Variants in R3HCC1L observed in about 807,000 individuals in gnomAD.
R3HCC1L encodes the protein coiled-coil domain-containing protein R3HCC1L.
R3HCC1L carries 51 observed loss-of-function variants against 59.9 expected under a neutral mutation model. The ratio of observed to expected loss-of-function variants is 0.85; its 90% CI spans 0.68 to 1.07. The LOEUF (loss-of-function observed/expected upper bound fraction) is 1.07. R3HCC1L is among the 50% of genes least tolerant of loss of function. The pLI, the probability that R3HCC1L is intolerant of heterozygous loss-of-function variation, is 0.00. For missense variants in R3HCC1L, 965 were observed against 933.0 expected, an observed-to-expected ratio of 1.03 and a Z score of -0.45; for synonymous variants, 322 against 315.2, an observed-to-expected ratio of 1.02 and a Z score of -0.23.
intron 4 of R3HCC1L, among the ~76,000 whole-genome samples, chr10:98,177,104 A>G (rs1455580432): frequency 6.6e-6 from 1 of 152,210 alleles, no homozygotes; most frequent in Admixed American, 6.5e-5. Flanking sequence ...ATATGTATAC[A>G]TGTGCTATGT....
At chr10:98,214,798 G>A (rs1458503151) in intron 5 of R3HCC1L, among the ~76,000 whole-genome samples, 1 of 152,150 alleles carries the variant, frequency 6.6e-6, no homozygotes, top group Non-Finnish European at 1.5e-5. Context: ...AGATAGAACT[G>A]CACAAGTCAT....
chr10:98,215,369 A>T (rs181886034), intron 5 of R3HCC1L, among the ~76,000 whole-genome samples: 1 of 152,150 alleles, frequency 6.6e-6, no homozygotes, highest in Non-Finnish European at 1.5e-5. Flanking sequence ...TTTTAATTTT[A>T]TACATATTGA....
intron 5 of R3HCC1L, among the ~76,000 whole-genome samples, chr10:98,212,900 C>T (rs1324434268): frequency 1.3e-5 from 2 of 151,964 alleles, no homozygotes; most frequent in African/African-American, 4.8e-5. Context: ...TGAGGCCTTC[C>T]CTTGGTTACA....
At chr10:98,143,685 T>C (rs191708993) in intron 1 of R3HCC1L, among the ~76,000 whole-genome samples, 9 of 152,284 alleles carry the variant, frequency 5.9e-5, no homozygotes, top group Non-Finnish European at 1.3e-4. Flanking sequence ...AAAATCAGGG[T>C]TGAGGAATGT....
Position 98,208,776 on chromosome 10 carries a change from C to T in R3HCC1L, c.662C>T (p.Pro221Leu), listed in dbSNP as rs1475145774. ...GTTTTGGAGATACTATATGAGTTTC[C>T]TAGAGTTTTTAGTTCTGTCATGAAA... ...TKVLEILYEF[P>L]RVFSSVMKPE... Residue 221 changes from proline to leucine, a missense_variant, in exon 5 of 10, where the codon CCT becomes CTT. Coordinates refer to ENST00000298999, the MANE Select transcript of R3HCC1L (RefSeq NM_001351015.2). 1 of 1,613,970 alleles carries T rather than the reference C, an allele frequency of 6.2e-7. No individual in the cohort carries two copies. The highest frequency in any genetic ancestry group is 1.1e-5 in the South Asian group (1 of 91,074).
In R3HCC1L at chr10:98,170,841, CTTA is replaced by C. The variant is rs372880467; in HGVS notation, c.-15+7449_-15+7451del. On this transcript the variant is annotated intron_variant, in intron 4 of 9. Coordinates refer to ENST00000298999, the MANE Select transcript of R3HCC1L (RefSeq NM_001351015.2). ...CTCTTGCTCTCTGATTCTGCTTTCA[CTTA>C]TTATCTTTCTAAAACTTTCTGGGTA... Among the ~76,000 whole-genome samples the C allele has an allele frequency of 2.9e-3, 442 of 152,314 alleles. 4 individuals are homozygous for C. The highest frequency in any genetic ancestry group is 9.5e-3 in the African/African-American group (394 of 41,574).
intron 1 of R3HCC1L, among the ~76,000 whole-genome samples, chr10:98,137,576 C>G (rs934363128): frequency 2.0e-5 from 3 of 152,134 alleles, no homozygotes; most frequent in African/African-American, 7.2e-5. Flanking sequence ...TAGAAGTTGT[C>G]AGATTGCAGT....
intron 5 of R3HCC1L, chr10:98,211,477 G>A (rs1306986351): frequency 2.5e-6 from 3 of 1,207,010 alleles, no homozygotes; most frequent in South Asian, 2.1e-5. Context: ...AATAAGGTGG[G>A]AAGCTAGGTG....
chr10:98,240,196 C>T (rs1304366553), intron 9 of R3HCC1L, among the ~76,000 whole-genome samples: 1 of 152,150 alleles, frequency 6.6e-6, no homozygotes, highest in Non-Finnish European at 1.5e-5. Flanking sequence ...GTCCCAGCTA[C>T]TCAGCAGGCT....
Position 98,209,196 on chromosome 10 carries a change from G to T in R3HCC1L, c.1082G>T (p.Arg361Ile). The T allele has an allele frequency of 6.2e-7, 1 of 1,613,842 alleles. No homozygotes were observed. Among genetic ancestry groups the T allele is most frequent in the Non-Finnish European group, 8.5e-7 (1 of 1,179,988 alleles). The change falls in exon 5 of 10, where the codon AGA becomes ATA. Residue 361 changes from arginine to isoleucine, a missense_variant. Coordinates refer to ENST00000298999, the MANE Select transcript of R3HCC1L (RefSeq NM_001351015.2). ...DTAVLAHETHRDSGFKNVGDI... is the reference protein window; with the variant it reads ...DTAVLAHETHIDSGFKNVGDI... ...GCTGTCCTTGCTCATGAAACACATA[G>T]AGATAGTGGATTTAAGAATGTAGGT... is the stretch of plus-strand genomic sequence containing the variant.
chr10:98,241,321 C>CT (rs1417175342), intron 9 of R3HCC1L, among the ~76,000 whole-genome samples: 1 of 151,998 alleles, frequency 6.6e-6, no homozygotes, highest in African/African-American at 2.4e-5. Context: ...CCTCTCTCTG[C>CT]TTTTTTTAAA....
chr10:98,239,646 T>C (rs1857317161), intron 9 of R3HCC1L, among the ~76,000 whole-genome samples: 1 of 152,170 alleles, frequency 6.6e-6, no homozygotes, highest in Non-Finnish European at 1.5e-5. Flanking sequence ...AATTTTGAAT[T>C]TGTGATTTTG....
chr10:98,222,466 A>C (rs9702153), intron 5 of R3HCC1L, among the ~76,000 whole-genome samples: 60,299 of 151,164 alleles, frequency 0.4, 12,448 homozygotes, highest in South Asian at 0.56. Context: ...CCAGTTTTCA[A>C]AGGGAATGCT....
At chr10:98,219,810 A>G (rs1356836515) in intron 5 of R3HCC1L, among the ~76,000 whole-genome samples, 2 of 152,014 alleles carry the variant, frequency 1.3e-5, no homozygotes, top group African/African-American at 4.8e-5. Flanking sequence ...GCTGTTTTTT[A>G]GAATTCTTGG....
intron 4 of R3HCC1L, among the ~76,000 whole-genome samples, chr10:98,183,855 TA>T (rs1243244134): frequency 6.6e-6 from 1 of 152,202 alleles, no homozygotes; most frequent in Non-Finnish European, 1.5e-5. Flanking sequence ...CATTTTTCGT[TA>T]GAGCATTTAA....
chr10:98,220,591 A>G (rs1324155841), intron 5 of R3HCC1L, among the ~76,000 whole-genome samples: 1 of 123,670 alleles, frequency 8.1e-6, no homozygotes, highest in African/African-American at 3.1e-5. Flanking sequence ...ATGTGATCTC[A>G]TTGTTCAATT....
At chr10:98,140,427 G>T (rs1418891959) in intron 1 of R3HCC1L, among the ~76,000 whole-genome samples, 1 of 152,126 alleles carries the variant, frequency 6.6e-6, no homozygotes, top group Non-Finnish European at 1.5e-5. Flanking sequence ...CAGAGTCATA[G>T]AGACACATGC....
chr10:98,152,445 G>A (rs949870105), intron 1 of R3HCC1L, among the ~76,000 whole-genome samples: 1 of 142,482 alleles, frequency 7.0e-6, no homozygotes, highest in Non-Finnish European at 1.5e-5. Context: ...CCCTCTGCTC[G>A]GCTGCCCAAT....
intron 4 of R3HCC1L, among the ~76,000 whole-genome samples, chr10:98,164,450 G>A (rs999697883): frequency 5.9e-5 from 9 of 152,208 alleles, no homozygotes; most frequent in Non-Finnish European, 2.9e-5. Context: ...TGGCTCATGT[G>A]AGTAGAAGCA....
Sources: allele counts gnomAD v4.1 joint callset (sites outside exome capture counted in the v4.1 genomes callset), GRCh38; gene constraint gnomAD v4.1.1; transcripts MANE v1.5; gene names NCBI Gene and HGNC (gene_info 2026-07-23, HGNC 2026-07-21).